SHANK2: variants seen among roughly 807,000 people sequenced by gnomAD.
SHANK2 encodes the protein SH3 and multiple ankyrin repeat domains 2, also known as SH3 and multiple ankyrin repeat domains protein 2.
In SHANK2, 43 loss-of-function variants were observed where a neutral mutation model predicts 133.7. The ratio of observed to expected loss-of-function variants is 0.32; its 90% CI spans 0.25 to 0.41. The LOEUF (loss-of-function observed/expected upper bound fraction) is 0.41. SHANK2 is among the 10% of genes least tolerant of loss of function. The pLI, the probability that SHANK2 is intolerant of heterozygous loss-of-function variation, is 1.00. For missense variants in SHANK2, 1,994 were observed against 2,235.8 expected (o/e 0.89, Z 2.18); for synonymous variants, 1,017 against 952.8 (o/e 1.07, Z -1.24).
intron 21 of SHANK2, chr11:70,495,914 A>C (rs2058963937): frequency 6.4e-6 from 1 of 157,020 alleles, no homozygotes; most frequent in African/African-American, 2.4e-5. Context: ...CTGTGCTCAG[A>C]CCTGCACCTG....
chr11:70,731,544 G>A (rs782213620), intron 14 of SHANK2, among the ~76,000 whole-genome samples: 2 of 152,150 alleles, frequency 1.3e-5, no homozygotes, highest in Non-Finnish European at 2.9e-5. Context: ...CTTTTACTCA[G>A]CATCCTGTTT....
intron 11 of SHANK2, among the ~76,000 whole-genome samples, chr11:70,860,144 T>C (rs1197678137): frequency 6.6e-6 from 1 of 152,172 alleles, no homozygotes; most frequent in Non-Finnish European, 1.5e-5. Flanking sequence ...AGAAGCCTCT[T>C]TGCTCCAGAC....
intron 17 of SHANK2, among the ~76,000 whole-genome samples, chr11:70,620,212 C>T (rs782489541): frequency 3.9e-5 from 6 of 152,126 alleles, no homozygotes; most frequent in African/African-American, 4.8e-5. Flanking sequence ...ATTCGGTCCA[C>T]GGCACCAAGC....
At chr11:71,060,541 T>C (rs1034886486) in intron 9 of SHANK2, among the ~76,000 whole-genome samples, 10 of 152,324 alleles carry the variant, frequency 6.6e-5, no homozygotes, top group African/African-American at 2.4e-4. Context: ...CCAGCAGGTT[T>C]CACAGAAGAT....
intron 16 of SHANK2, among the ~76,000 whole-genome samples, chr11:70,660,361 A>G (rs1176677288): frequency 6.6e-6 from 1 of 152,250 alleles, no homozygotes; most frequent in Non-Finnish European, 1.5e-5. Context: ...ACATCTACGT[A>G]GACTCGCAAC....
Position 71,110,042 on chromosome 11 carries a change from A to G in SHANK2, c.491T>C (p.Leu164Pro). ...CTGAATGTGATCCATGCATTTCTTC[A>G]GATTGGTCTAGAAGGAAAAACAATA... The part of the protein sequence containing the change: ...QLAKLHTKTN[L>P]KKCMDHIQHR... The change falls in exon 6 of 26, where the codon CTG becomes CCG. Residue 164 changes from leucine to proline, a missense_variant. This residue lies in a region of SHANK2 where 653 missense variants were observed against 563.4 expected (regional missense o/e 1.16). Coordinates refer to ENST00000601538, the MANE Select transcript of SHANK2 (RefSeq NM_012309.5). The G allele has an allele frequency of 6.5e-7, 1 of 1,548,480 alleles. No homozygotes were observed. Among genetic ancestry groups the G allele is most frequent in the Middle Eastern group, 1.7e-4 (1 of 5,984 alleles).
chr11:71,102,618 C>T (rs1555096887), intron 6 of SHANK2, among the ~76,000 whole-genome samples: 1 of 152,214 alleles, frequency 6.6e-6, no homozygotes, highest in Non-Finnish European at 1.5e-5. Context: ...TGGGAACATG[C>T]CCAGGCTGCT....
At chr11:70,528,111 G>A (rs1452120031) in intron 17 of SHANK2, among the ~76,000 whole-genome samples, 1 of 152,228 alleles carries the variant, frequency 6.6e-6, no homozygotes, top group African/African-American at 2.4e-5. Context: ...CCAGGATGGC[G>A]GCGCAGAAAC....
chr11:71,219,767 G>A (rs1490359545), intron 2 of SHANK2, among the ~76,000 whole-genome samples: 1 of 151,300 alleles, frequency 6.6e-6, no homozygotes, highest in Non-Finnish European at 1.5e-5. Context: ...GCATGGTGGT[G>A]GGTGCCTGTA....
Position 71,147,289 on chromosome 11 carries a change from G to A in SHANK2, c.38C>T (p.Ala13Val), listed in dbSNP as rs1952673400. 1 of 1,550,930 alleles carries A rather than the reference G, an allele frequency of 6.4e-7. No homozygotes were observed. ...CACGGAGTAGTCGGAGAAGCTCTGG[G>A]CCATCTCGTCCTCGCTGGATGTTGG... ...RSPTSSEDEM[A>V]QSFSDYSVGS... The change falls in exon 3 of 26, where the codon GCC (alanine) becomes GTC (valine). Residue 13 changes from alanine to valine, a missense_variant. By Grantham distance (64) the Ala-to-Val change is moderately conservative. Around this residue, in one of 5 missense-constraint regions of SHANK2, gnomAD observed 653 missense variants for 563.4 expected, o/e 1.16. Transcript: ENST00000601538.
At chr11:70,661,765 C>T (rs781810608) in intron 15 of SHANK2, 87 bp from the exon 16 acceptor site, 2 of 1,614,110 alleles carry the variant, frequency 1.2e-6, no homozygotes, top group East Asian at 4.5e-5. Flanking sequence ...CGTTCATCAT[C>T]ATAGCCAATT....
At chr11:71,208,211 G>T (rs903492587) in intron 2 of SHANK2, among the ~76,000 whole-genome samples, 1 of 152,082 alleles carries the variant, frequency 6.6e-6, no homozygotes, top group African/African-American at 2.4e-5. Flanking sequence ...GCCCTGGAGG[G>T]GCATGAGCTG....
At chr11:71,090,263 CTGTG>C (rs1165771011) in intron 8 of SHANK2, among the ~76,000 whole-genome samples, 29,069 of 36,574 alleles carry the variant, frequency 0.79, 11,249 homozygotes, top group Middle Eastern at 0.82. Context: ...AACACAACCT[CTGTG>C]TGTGTGTGTG....
At chr11:70,927,485 G>A (rs1005777899) in intron 10 of SHANK2, among the ~76,000 whole-genome samples, 1 of 152,042 alleles carries the variant, frequency 6.6e-6, no homozygotes, top group Non-Finnish European at 1.5e-5. Context: ...CCGACATGGG[G>A]AGAGGGCAGG....
intron 11 of SHANK2, among the ~76,000 whole-genome samples, chr11:70,883,122 T>C (rs782046342): frequency 1.3e-5 from 2 of 152,066 alleles, no homozygotes; most frequent in Non-Finnish European, 2.9e-5. Context: ...GTGTCTGGGC[T>C]CCAGGATCCT....
rs568596022 is a variant in SHANK2 at position 70,945,432 on chromosome 11, C to T, written c.1108-48865G>A. Among the ~76,000 whole-genome samples the T allele has an allele frequency of 7.9e-5, 12 of 152,324 alleles. No individual in the cohort carries two copies. In the East Asian group the frequency reaches 1.4e-3, roughly 17 times the overall value. ...AAGGTGCTGTTATCAGCCACACCTA[C>T]GGCCTCATGTGGAAGGGCCAGGCCT... is the stretch of plus-strand genomic sequence containing the variant. On this transcript the variant is annotated intron_variant, in intron 10 of 25. Transcript: ENST00000601538.
intron 14 of SHANK2, among the ~76,000 whole-genome samples, chr11:70,760,694 A>G (rs2134975499): frequency 6.6e-6 from 1 of 152,316 alleles, no homozygotes; most frequent in South Asian, 2.1e-4. Flanking sequence ...GGAAGGCCCC[A>G]TGGTGGCTGC....
intron 2 of SHANK2, among the ~76,000 whole-genome samples, chr11:71,148,187 C>T (rs570916682): frequency 7.2e-5 from 11 of 151,948 alleles, no homozygotes; most frequent in South Asian, 2.1e-4. Flanking sequence ...CGGGTTCAGA[C>T]GATTCTCCTG....
chr11:71,119,723 G>A (rs1390366001), intron 3 of SHANK2, among the ~76,000 whole-genome samples: 1 of 151,948 alleles, frequency 6.6e-6, no homozygotes, highest in South Asian at 2.1e-4. Flanking sequence ...CCCCACTTAT[G>A]TCTCCCTAAC....
Sources: allele counts gnomAD v4.1 joint callset (sites outside exome capture counted in the v4.1 genomes callset), GRCh38; gene constraint gnomAD v4.1.1; regional missense constraint gnomAD v4.1.1; transcripts MANE v1.5; gene names NCBI Gene and HGNC (gene_info 2026-07-23, HGNC 2026-07-21).